Variants in BBS4 observed in about 807,000 individuals in gnomAD.
BBS4 encodes Bardet-Biedl syndrome 4.
In BBS4, 58 loss-of-function variants were observed where a neutral mutation model predicts 71.4. The ratio of observed to expected loss-of-function variants is 0.81; its 90% CI spans 0.66 to 1.01. The LOEUF is 1.01. Among genes scored for constraint, BBS4 ranks in the 50% least tolerant of loss-of-function variants. The pLI is 0.00. For missense variants in BBS4, 660 were observed against 607.9 expected, an observed-to-expected ratio of 1.09 and a Z score of -0.90; for synonymous variants, 228 against 216.8, an observed-to-expected ratio of 1.05 and a Z score of -0.46.
At chr15:72,711,821 G>GT (rs1161298305) in intron 3 of BBS4, among the ~76,000 whole-genome samples, 2 of 151,594 alleles carry the variant, frequency 1.3e-5, no homozygotes, top group Admixed American at 6.6e-5. Context: ...AATACTCTAG[G>GT]TTTTTTTACA....
At chr15:72,729,735 C>T (rs940776491) in intron 10 of BBS4, 51 bp downstream of exon 10, 18 of 1,492,410 alleles carry the variant, frequency 1.2e-5, no homozygotes, top group African/African-American at 2.8e-5. Context: ...TCCCACTGCT[C>T]CTAGAGGTGA....
At chr15:72,706,873 G>T (rs975443397) in intron 2 of BBS4, among the ~76,000 whole-genome samples, 1 of 151,582 alleles carries the variant, frequency 6.6e-6, no homozygotes, top group Non-Finnish European at 1.5e-5. Flanking sequence ...TGAAATGAGG[G>T]TCCTGCTGTA....
intron 2 of BBS4, among the ~76,000 whole-genome samples, chr15:72,703,665 A>G (rs1367720272): frequency 6.6e-6 from 1 of 152,196 alleles, no homozygotes; most frequent in Admixed American, 6.5e-5. Flanking sequence ...TATTGAATCA[A>G]GATTGAAATT....
chr15:72,703,603 A>G (rs1165643284), intron 2 of BBS4, among the ~76,000 whole-genome samples: 2 of 152,168 alleles, frequency 1.3e-5, no homozygotes, highest in African/African-American at 2.4e-5. Context: ...GGGGGGATAA[A>G]TGGAGGCCCA....
In BBS4 at chr15:72,704,883, AAAAC is replaced by A. The variant is rs1451569201; in HGVS notation, c.77-4813_77-4810del. On this transcript the variant is annotated intron_variant, in intron 2 of 15. Coordinates refer to ENST00000268057, the MANE Select transcript of BBS4 (RefSeq NM_033028.5). ...TGACAGAACTCGACTCCATCTCAAA[AAAAC>A]AAAACAAAACAAAACAAAACAAAAA... Among the ~76,000 whole-genome samples, 9 of 147,178 alleles carry A rather than the reference AAAAC, an allele frequency of 6.1e-5. No individual in the cohort carries two copies. The East Asian group carries it at 1.7e-3, about 29-fold the overall frequency.
In BBS4 at chr15:72,692,663, A is replaced by G. The variant is rs932274922; in HGVS notation, c.25-2514A>G. Among the ~76,000 whole-genome samples the G allele has an allele frequency of 5.4e-5, 8 of 146,984 alleles. No individual in the cohort carries two copies. In the Admixed American group the frequency reaches 5.5e-4, roughly 10 times the overall value. On this transcript the variant is annotated intron_variant, in intron 1 of 15. Transcript: ENST00000268057. ...CAGGCTGGAGTGCAGTGGTCCAATC[A>G]TGGCTTGCTGCAACTCCGCTTCCTG...
At chr15:72,715,024 T>C (rs1219342939) in intron 4 of BBS4, among the ~76,000 whole-genome samples, 1 of 152,230 alleles carries the variant, frequency 6.6e-6, no homozygotes, top group African/African-American at 2.4e-5. Context: ...GCAAAGGAAC[T>C]GATTATCTAT....
chr15:72,704,240 T>C (rs967685208), intron 2 of BBS4, among the ~76,000 whole-genome samples: 2 of 152,198 alleles, frequency 1.3e-5, no homozygotes, highest in African/African-American at 4.8e-5. Context: ...GTCAGCTGGC[T>C]ACCTGACCTC....
chr15:72,695,567 G>A (rs570738449), intron 2 of BBS4, among the ~76,000 whole-genome samples: 98 of 152,306 alleles, frequency 6.4e-4, no homozygotes, highest in Middle Eastern at 3.4e-3. Flanking sequence ...GATTACAGGC[G>A]TGAGCCGCCA....
intron 1 of BBS4, among the ~76,000 whole-genome samples, chr15:72,691,657 G>A (rs1421258124): frequency 6.6e-6 from 1 of 151,918 alleles, no homozygotes; most frequent in Non-Finnish European, 1.5e-5. Flanking sequence ...ATTATTTCTG[G>A]TTTTTAGTTA....
At chr15:72,733,393 C>T (rs997342246) in intron 12 of BBS4, among the ~76,000 whole-genome samples, 6 of 152,216 alleles carry the variant, frequency 3.9e-5, no homozygotes, top group Admixed American at 3.3e-4. Flanking sequence ...TATTTCATCA[C>T]CCAGGTACTA....
intron 5 of BBS4, 79 bp downstream of exon 5, chr15:72,715,481 T>G (rs2065452720): frequency 5.0e-6 from 5 of 991,628 alleles, no homozygotes; most frequent in Admixed American, 1.7e-5. Flanking sequence ...AGCCTGCTGC[T>G]GGCAGCTGCA....
At chr15:72,687,325 C>T (rs2064875624) in intron 1 of BBS4, among the ~76,000 whole-genome samples, 1 of 151,722 alleles carries the variant, frequency 6.6e-6, no homozygotes, top group Non-Finnish European at 1.5e-5. Context: ...ATAGCTAGGC[C>T]GGACGCGGTG....
Position 72,702,794 on chromosome 15 carries a change from A to G in BBS4, c.77-6906A>G, listed in dbSNP as rs8033758. Among the ~76,000 whole-genome samples the G allele has an allele frequency of 4.4e-3, 529 of 118,998 alleles. 2 individuals are homozygous for G. Among genetic ancestry groups the G allele is most frequent in the African/African-American group, 0.015 (512 of 33,906 alleles). 78.1% of individuals were successfully genotyped at this position (118,998 alleles called of 152,430 possible). On this transcript the variant is annotated intron_variant, in intron 2 of 15. Coordinates refer to ENST00000268057, the MANE Select transcript of BBS4 (RefSeq NM_033028.5). ...CTCTTCTCTTTTTGGTATAGTGAGGAGCTGACTCTTTTTTTTTTTTTTTTT... is the reference window on the plus strand; with the variant it reads ...CTCTTCTCTTTTTGGTATAGTGAGGGGCTGACTCTTTTTTTTTTTTTTTTT...
chr15:72,691,307 T>C (rs562826369), intron 1 of BBS4, among the ~76,000 whole-genome samples: 2 of 152,310 alleles, frequency 1.3e-5, no homozygotes, highest in Non-Finnish European at 2.9e-5. Flanking sequence ...AAAAGAGTGC[T>C]TAAAATGTCG....
Position 72,709,891 on chromosome 15 carries a change from C to T in BBS4, c.156+112C>T, listed in dbSNP as rs1035142654. 3 of 885,688 alleles carry T rather than the reference C, an allele frequency of 3.4e-6. No homozygotes were observed. In the African/African-American group the frequency reaches 4.9e-5, roughly 14 times the overall value. 54.9% of individuals were successfully genotyped at this position (885,688 alleles called of 1,614,324 possible). On this transcript the variant is annotated intron_variant, in intron 3 of 15. Transcript: ENST00000268057. ...ATATCTCAGTGATAAAACATGAATT[C>T]CTTCTTCCCCATACTTCATACACTG...
At chr15:72,733,224 G>T (rs187675278) in intron 12 of BBS4, among the ~76,000 whole-genome samples, 1 of 152,248 alleles carries the variant, frequency 6.6e-6, no homozygotes, top group East Asian at 1.9e-4. Flanking sequence ...GGAGGCTAAG[G>T]CAGGAAGTTT....
At chr15:72,724,703 A>G (rs1273645225) in intron 8 of BBS4, 48 bp downstream of exon 8, 1 of 1,608,224 alleles carries the variant, frequency 6.2e-7, no homozygotes, top group Non-Finnish European at 8.5e-7. Flanking sequence ...AAAAAAATTG[A>G]GTGGATATGT....
chr15:72,687,375 G>C (rs916954666), intron 1 of BBS4, among the ~76,000 whole-genome samples: 3 of 151,918 alleles, frequency 2.0e-5, no homozygotes, highest in African/African-American at 7.2e-5. Context: ...AGGCCGAGAC[G>C]GGTGGATCAC....
Sources: gnomAD v4.1 joint callset for allele counts (sites outside exome capture counted in the v4.1 genomes callset) on GRCh38, gnomAD v4.1.1 for gene constraint, MANE v1.5 for transcripts, NCBI Gene and HGNC (gene_info 2026-07-23, HGNC 2026-07-21) for gene names.